Variants in LYPD6 observed in about 807,000 individuals in gnomAD.
The protein encoded by LYPD6 is LY6/PLAUR domain containing 6.
LYPD6 carries 15 observed loss-of-function variants against 22.7 expected under a neutral mutation model. That is an observed-to-expected ratio of 0.66 (90% CI 0.44 to 1.02). The LOEUF (loss-of-function observed/expected upper bound fraction) is 1.02. Ranked by LOEUF, LYPD6 falls within the 50% of genes least tolerant of loss-of-function variation. The probability of loss-of-function intolerance (pLI) is 0.00; values close to 1 mark genes in which losing one functional copy is unlikely to be tolerated. For missense variants in LYPD6, 189 were observed against 208.4 expected (o/e 0.91, Z 0.57); for synonymous variants, 72 against 77.5 (o/e 0.93, Z 0.37).
At chr2:149,426,075 A>G (rs1242876828) in intron 1 of LYPD6, among the ~76,000 whole-genome samples, 1 of 152,192 alleles carries the variant, frequency 6.6e-6, no homozygotes, top group Non-Finnish European at 1.5e-5. Flanking sequence ...TGGTTTGCAA[A>G]TAGGGTTAGC....
chr2:149,471,863 T>C lies in LYPD6; in HGVS notation c.*1013T>C, dbSNP rs1337088113. 1 of 152,606 alleles carries C rather than the reference T, an allele frequency of 6.6e-6. No individual in the cohort carries two copies. Among genetic ancestry groups the C allele is most frequent in the Non-Finnish European group, 1.5e-5 (1 of 68,020 alleles). 9.5% of individuals were successfully genotyped at this position (152,606 alleles called of 1,614,324 possible). A position where few individuals can be genotyped will look rare whatever the true frequency, so the allele number is the denominator to read the frequency against. On this transcript the variant is annotated 3_prime_UTR_variant, in exon 5 of 5. Coordinates refer to ENST00000334166, the MANE Select transcript of LYPD6 (RefSeq NM_194317.5). ...CTCCCACTTCCAAATCCCCAGTGAC[T>C]TTATGGAGAAGATTCTGCATTAAAT...
intron 1 of LYPD6, among the ~76,000 whole-genome samples, chr2:149,433,853 C>T (rs1683371212): frequency 6.6e-6 from 1 of 152,098 alleles, no homozygotes; most frequent in African/African-American, 2.4e-5. Flanking sequence ...TCCTTTTTGA[C>T]CTGAGCCTTG....
intron 1 of LYPD6, among the ~76,000 whole-genome samples, chr2:149,433,936 G>GAT (rs1461400385): frequency 1.3e-5 from 2 of 152,130 alleles, no homozygotes; most frequent in African/African-American, 4.8e-5. Flanking sequence ...GTGGAATCAT[G>GAT]ATATATTGTG....
At chr2:149,461,570 C>A (rs1251677402) in intron 3 of LYPD6, among the ~76,000 whole-genome samples, 1 of 151,786 alleles carries the variant, frequency 6.6e-6, no homozygotes, top group Non-Finnish European at 1.5e-5. Flanking sequence ...CAAAACCAGA[C>A]CAACACAGCA....
At chr2:149,382,011 AT>A (rs1187660921) in intron 1 of LYPD6, among the ~76,000 whole-genome samples, 1 of 152,074 alleles carries the variant, frequency 6.6e-6, no homozygotes, top group Non-Finnish European at 1.5e-5. Flanking sequence ...CAGATTAAGT[AT>A]TTTTTGTTCA....
chr2:149,361,247 A>G (rs1171686367), intron 1 of LYPD6, among the ~76,000 whole-genome samples: 2 of 152,160 alleles, frequency 1.3e-5, no homozygotes, highest in African/African-American at 2.4e-5. Context: ...AAGATTCCTT[A>G]TATAGATTTA....
At chr2:149,349,067 G>GATACAAAGACTGACATGAC (rs1681313478) in intron 1 of LYPD6, among the ~76,000 whole-genome samples, 1 of 152,160 alleles carries the variant, frequency 6.6e-6, no homozygotes, top group Non-Finnish European at 1.5e-5. Context: ...AACAGATTTG[G>GATACAAAGACTGACATGAC]AAGAGGATCA....
At chr2:149,342,249 C>T (rs186690297) in intron 1 of LYPD6, among the ~76,000 whole-genome samples, 1 of 152,254 alleles carries the variant, frequency 6.6e-6, no homozygotes, top group East Asian at 1.9e-4. Flanking sequence ...AAATGCTAGG[C>T]CCCACCTTCA....
At chr2:149,443,689 G>C (rs980490548) in intron 2 of LYPD6, among the ~76,000 whole-genome samples, 1 of 151,940 alleles carries the variant, frequency 6.6e-6, no homozygotes, top group African/African-American at 2.4e-5. Context: ...CAAGAGTATT[G>C]CATGGCTTTG....
intron 1 of LYPD6, among the ~76,000 whole-genome samples, chr2:149,358,986 C>A (rs1164971756): frequency 1.3e-5 from 2 of 152,072 alleles, no homozygotes; most frequent in Admixed American, 1.3e-4. Context: ...ATTTATTATT[C>A]TTTAAATAAA....
chr2:149,433,398 G>A (rs1683359798), intron 1 of LYPD6, among the ~76,000 whole-genome samples: 1 of 152,160 alleles, frequency 6.6e-6, no homozygotes, highest in Admixed American at 6.5e-5. Context: ...GTGATACAAG[G>A]CAATGTGCTC....
At chr2:149,400,938 G>T (rs1377340948) in intron 1 of LYPD6, among the ~76,000 whole-genome samples, 1 of 152,160 alleles carries the variant, frequency 6.6e-6, no homozygotes, top group East Asian at 1.9e-4. Flanking sequence ...GAAAGCTTTG[G>T]GGGATACCAT....
chr2:149,350,006 G>C (rs1040634641), intron 1 of LYPD6, among the ~76,000 whole-genome samples: 1 of 152,138 alleles, frequency 6.6e-6, no homozygotes, highest in Middle Eastern at 3.2e-3. Context: ...TTACTTGCCT[G>C]GTGATAAATC....
At chr2:149,373,364 G>A (rs1409412862) in intron 1 of LYPD6, among the ~76,000 whole-genome samples, 1 of 152,140 alleles carries the variant, frequency 6.6e-6, no homozygotes, top group Non-Finnish European at 1.5e-5. Context: ...GGGAGTTGCT[G>A]GCATGGTATT....
chr2:149,368,986 A>G (rs1369130354), intron 1 of LYPD6, among the ~76,000 whole-genome samples: 2 of 152,128 alleles, frequency 1.3e-5, no homozygotes, highest in Non-Finnish European at 2.9e-5. Context: ...AGGAGTTTGT[A>G]GGAATCTGAG....
At chr2:149,407,328 TTTCCAACTTGG>T (rs1157237863) in intron 1 of LYPD6, among the ~76,000 whole-genome samples, 1 of 152,230 alleles carries the variant, frequency 6.6e-6, no homozygotes, top group East Asian at 1.9e-4. Flanking sequence ...TGCAGAGTGT[TTTCCAACTTGG>T]TTCCATCCTC....
chr2:149,437,966 G>T, intron 2 of LYPD6, 140 bp downstream of exon 2: 1 of 967,354 alleles, frequency 1.0e-6, no homozygotes. Context: ...ATTTACAAAA[G>T]ATGTTTTATG....
At chr2:149,437,354 A>G (rs550246085) in intron 1 of LYPD6, among the ~76,000 whole-genome samples, 2 of 152,254 alleles carry the variant, frequency 1.3e-5, no homozygotes, top group South Asian at 4.1e-4. Context: ...CTCCTAGCAA[A>G]AAATAGCTGG....
intron 1 of LYPD6, among the ~76,000 whole-genome samples, chr2:149,344,147 A>G (rs1374599155): frequency 6.6e-6 from 1 of 152,138 alleles, no homozygotes; most frequent in Non-Finnish European, 1.5e-5. Flanking sequence ...ATGTACAATT[A>G]GTTTGTCTCT....
Sources: allele counts gnomAD v4.1 joint callset (sites outside exome capture counted in the v4.1 genomes callset), GRCh38; gene constraint gnomAD v4.1.1; transcripts MANE v1.5; gene names NCBI Gene and HGNC (gene_info 2026-07-23, HGNC 2026-07-21).